Variants in COBL observed in about 807,000 individuals in gnomAD.
The protein encoded by COBL is cordon-bleu WH2 repeat protein, also known as protein cordon-bleu.
COBL carries 51 observed loss-of-function variants against 98.8 expected under a neutral mutation model. The observed-to-expected ratio is 0.52, with a 90% CI of 0.41 to 0.65. The LOEUF is 0.65. COBL is among the 30% of genes least tolerant of loss of function. COBL has a pLI of 0.00. For synonymous variants in COBL, 634 were observed against 651.7 expected, an observed-to-expected ratio of 0.97 and a Z score of 0.41; for missense variants, 1,617 against 1,617.5, an observed-to-expected ratio of 1.00 and a Z score of 0.01.
intron 7 of COBL, among the ~76,000 whole-genome samples, chr7:51,047,205 A>G (rs937822108): frequency 1.1e-4 from 16 of 152,226 alleles, no homozygotes; most frequent in Middle Eastern, 3.2e-3. Context: ...GAAAAAGCAC[A>G]CTTACTTTGT....
At chr7:51,223,005 T>A (rs551800385) in intron 1 of COBL, among the ~76,000 whole-genome samples, 1 of 152,286 alleles carries the variant, frequency 6.6e-6, no homozygotes, top group Admixed American at 6.5e-5. Flanking sequence ...CAAGCCCTCA[T>A]CTCTACAGCA....
intron 1 of COBL, among the ~76,000 whole-genome samples, chr7:51,228,179 G>A (rs947884481): frequency 2.0e-5 from 3 of 152,204 alleles, no homozygotes; most frequent in Admixed American, 2.0e-4. Context: ...TGGCCACGCT[G>A]TGCATCTCCC....
intron 7 of COBL, among the ~76,000 whole-genome samples, chr7:51,066,102 C>T (rs147790506): frequency 6.6e-6 from 1 of 152,328 alleles, no homozygotes; most frequent in African/African-American, 2.4e-5. Context: ...TTGCTGCGCA[C>T]TGTGATGAAA....
chr7:51,039,390 A>T (rs759183270), intron 8 of COBL, among the ~76,000 whole-genome samples: 5 of 152,082 alleles, frequency 3.3e-5, no homozygotes, highest in Non-Finnish European at 7.4e-5. Flanking sequence ...ATGGGTCCTC[A>T]CTGTAGGGAT....
At chr7:51,295,201 G>A (rs565196419) in intron 1 of COBL, among the ~76,000 whole-genome samples, 12 of 151,236 alleles carry the variant, frequency 7.9e-5, no homozygotes, top group African/African-American at 2.2e-4. Flanking sequence ...AGGGAGAATC[G>A]CTTGAACCGG....
chr7:51,019,095 C>T (rs1330536690), intron 12 of COBL, among the ~76,000 whole-genome samples: 1 of 150,972 alleles, frequency 6.6e-6, no homozygotes, highest in Non-Finnish European at 1.5e-5. Flanking sequence ...ACACAGTGCT[C>T]CACTTAGCCA....
In COBL at chr7:51,208,436, T is replaced by TA. The variant is rs568962354; in HGVS notation, c.245+11304_245+11305insT. On this transcript the variant is annotated intron_variant, in intron 2 of 12. Coordinates refer to ENST00000265136, the MANE Select transcript of COBL (RefSeq NM_015198.5). Reference sequence around the variant, plus strand: ...CCAGCCGCCCCGTCCGGGAGGGAGGTGGGGGGGGTCAGCCCCCCGCCCGGC... The same window carrying TA: ...CCAGCCGCCCCGTCCGGGAGGGAGGTAGGGGGGGGTCAGCCCCCCGCCCGGC... 3.7e-5 allele frequency among the ~76,000 whole-genome samples: 5 copies of TA among 135,472 alleles called. 1 individual carries two copies. The highest frequency in any genetic ancestry group is 1.4e-4 in the African/African-American group (5 of 36,834). The allele number at this position is 135,472 out of a possible 152,430, so 88.9% of individuals were successfully genotyped here.
chr7:51,045,758 A>G (rs1191401963), intron 7 of COBL, among the ~76,000 whole-genome samples: 1 of 152,152 alleles, frequency 6.6e-6, no homozygotes, highest in Non-Finnish European at 1.5e-5. Flanking sequence ...AAGATCAGGA[A>G]TGCTTGTCGG....
chr7:51,177,811 TAAATA>T (rs1788538494), intron 5 of COBL, among the ~76,000 whole-genome samples: 5 of 115,480 alleles, frequency 4.3e-5, no homozygotes, highest in African/African-American at 1.2e-4. Context: ...AATAAATAAA[TAAATA>T]AAAATTTAAA....
chr7:51,139,197 T>A (rs894600124), intron 5 of COBL, among the ~76,000 whole-genome samples: 17 of 152,144 alleles, frequency 1.1e-4, no homozygotes, highest in Admixed American at 9.2e-4. Flanking sequence ...TGGGGAAAAA[T>A]CCATTTCCTT....
intron 6 of COBL, among the ~76,000 whole-genome samples, chr7:51,118,627 G>C (rs373204345): frequency 1.6e-4 from 24 of 151,838 alleles, no homozygotes; most frequent in Admixed American, 3.3e-4. Flanking sequence ...CACTGGGGGG[G>C]AGAGGGGGAG....
intron 1 of COBL, among the ~76,000 whole-genome samples, chr7:51,266,296 T>C (rs1365480109): frequency 2.0e-5 from 3 of 152,234 alleles, no homozygotes; most frequent in East Asian, 3.8e-4. Flanking sequence ...GAGCAACTGA[T>C]TGCCAGGTGC....
chr7:51,046,198 C>T (rs748397705), intron 7 of COBL, among the ~76,000 whole-genome samples: 1 of 152,152 alleles, frequency 6.6e-6, no homozygotes, highest in Non-Finnish European at 1.5e-5. Context: ...GGGTGGGACC[C>T]GTCCAGGAAA....
intron 6 of COBL, among the ~76,000 whole-genome samples, chr7:51,112,631 T>C (rs910707976): frequency 5.9e-5 from 9 of 152,184 alleles, no homozygotes; most frequent in African/African-American, 2.2e-4. Context: ...CATTTAGGCC[T>C]TGCATGGGGT....
intron 6 of COBL, among the ~76,000 whole-genome samples, chr7:51,108,644 C>T (rs544271392): frequency 7.2e-5 from 11 of 152,288 alleles, no homozygotes; most frequent in Non-Finnish European, 1.3e-4. Flanking sequence ...CTGGGTTACT[C>T]CACCTTCGTT....
intron 5 of COBL, among the ~76,000 whole-genome samples, chr7:51,162,569 A>C (rs1786922071): frequency 6.6e-6 from 1 of 152,118 alleles, no homozygotes; most frequent in Non-Finnish European, 1.5e-5. Context: ...AACCACTTAC[A>C]TTTTCTCAAG....
intron 1 of COBL, among the ~76,000 whole-genome samples, chr7:51,314,139 C>A (rs537263742): frequency 2.2e-4 from 34 of 152,344 alleles, no homozygotes; most frequent in African/African-American, 7.9e-4. Context: ...CATTCACCAA[C>A]CTATCTCCCT....
intron 8 of COBL, among the ~76,000 whole-genome samples, chr7:51,037,295 T>C (rs1788741560): frequency 1.3e-5 from 2 of 152,130 alleles, no homozygotes; most frequent in South Asian, 4.1e-4. Context: ...AGGCTAGCAA[T>C]GTATCAGGCA....
At chr7:51,091,682 C>T (rs888912715) in intron 6 of COBL, among the ~76,000 whole-genome samples, 2 of 152,138 alleles carry the variant, frequency 1.3e-5, no homozygotes, top group African/African-American at 2.4e-5. Flanking sequence ...GCTCAAAGGA[C>T]TCCAACTAGA....
Sources: allele counts gnomAD v4.1 joint callset (sites outside exome capture counted in the v4.1 genomes callset), GRCh38; gene constraint gnomAD v4.1.1; transcripts MANE v1.5; gene names NCBI Gene and HGNC (gene_info 2026-07-23, HGNC 2026-07-21).